NKAIN2: variants seen among roughly 807,000 people sequenced by gnomAD.
NKAIN2 encodes sodium/potassium-transporting ATPase subunit beta-1-interacting protein 2.
NKAIN2 carries 14 observed loss-of-function variants against 32.6 expected under a neutral mutation model. That is an observed-to-expected ratio of 0.43 (90% CI 0.28 to 0.67). The LOEUF is 0.67. Among genes scored for constraint, NKAIN2 ranks in the 30% least tolerant of loss-of-function variants. The pLI is 0.17. For missense variants in NKAIN2, 198 were observed against 258.3 expected, an observed-to-expected ratio of 0.77 and a Z score of 1.60; for synonymous variants, 80 against 87.2, an observed-to-expected ratio of 0.92 and a Z score of 0.46.
intron 4 of NKAIN2, among the ~76,000 whole-genome samples, chr6:124,768,640 A>G (rs908800865): frequency 6.6e-6 from 1 of 152,158 alleles, no homozygotes; most frequent in African/African-American, 2.4e-5. Flanking sequence ...CACCAAAAAC[A>G]TACTCTCAAA....
At chr6:124,398,817 T>C (rs1010363736) in intron 3 of NKAIN2, among the ~76,000 whole-genome samples, 3 of 152,200 alleles carry the variant, frequency 2.0e-5, no homozygotes, top group Admixed American at 2.0e-4. Context: ...AATGAGCTTT[T>C]TAAGTTTGAG....
At chr6:124,393,456 C>A (rs2114424041) in intron 3 of NKAIN2, among the ~76,000 whole-genome samples, 1 of 152,022 alleles carries the variant, frequency 6.6e-6, no homozygotes, top group Middle Eastern at 3.4e-3. Flanking sequence ...CTAATGCTGG[C>A]AATACTGTTT....
intron 1 of NKAIN2, among the ~76,000 whole-genome samples, chr6:123,911,809 A>ATATATATATATG (rs1554222371): frequency 2.0e-5 from 2 of 102,008 alleles, no homozygotes; most frequent in African/African-American, 9.4e-5. Context: ...ATGTATATAT[A>ATATATATATATG]TATACACACA....
chr6:124,324,013 G>A (rs1227198822), intron 2 of NKAIN2, among the ~76,000 whole-genome samples: 1 of 151,790 alleles, frequency 6.6e-6, no homozygotes, highest in Non-Finnish European at 1.5e-5. Flanking sequence ...GGATGGTCTC[G>A]ATCTCCTGAC....
intron 1 of NKAIN2, among the ~76,000 whole-genome samples, chr6:123,900,532 G>GGT (rs1774516637): frequency 6.1e-5 from 2 of 32,764 alleles, no homozygotes; most frequent in Non-Finnish European, 2.2e-4. Context: ...CTCCAGATTA[G>GGT]TTTTTTTTTT....
At chr6:123,966,729 C>G (rs192952401) in intron 1 of NKAIN2, among the ~76,000 whole-genome samples, 2 of 152,224 alleles carry the variant, frequency 1.3e-5, no homozygotes, top group East Asian at 3.9e-4. Flanking sequence ...ACTCTGAGCT[C>G]AAGATTATCA....
intron 2 of NKAIN2, among the ~76,000 whole-genome samples, chr6:124,291,133 T>G (rs1795795076): frequency 6.6e-6 from 1 of 152,148 alleles, no homozygotes; most frequent in Non-Finnish European, 1.5e-5. Flanking sequence ...TACACTTGAG[T>G]ACTAGTTTGG....
At chr6:124,584,670 A>AAAGACATAC (rs1554229665) in intron 3 of NKAIN2, among the ~76,000 whole-genome samples, 4 of 151,278 alleles carry the variant, frequency 2.6e-5, no homozygotes, top group Non-Finnish European at 4.4e-5. Flanking sequence ...AAAAAAAAAA[A>AAAGACATAC]AAAGACATAC....
rs1387106710 is a variant in NKAIN2, at chr6:123,976,354, TATATATATATATATTCCC to T, written c.54+172115_54+172132del. ...CCATATATATATATGTTCCCATATA[TATATATATATATATTCCC>T]ATATATATATATATATATATATATA... On this transcript the variant is annotated intron_variant, in intron 1 of 6. Coordinates refer to ENST00000368417, the MANE Select transcript of NKAIN2 (RefSeq NM_001040214.3). Among the ~76,000 whole-genome samples, 26 of 28,782 alleles carry T rather than the reference TATATATATATATATTCCC, an allele frequency of 9.0e-4. 2 individuals are homozygous for T. Among genetic ancestry groups the T allele is most frequent in the African/African-American group, 4.2e-3 (23 of 5,474 alleles). 18.9% of individuals were successfully genotyped at this position (28,782 alleles called of 152,430 possible). A position where few individuals can be genotyped will look rare whatever the true frequency, so the allele number is the denominator to read the frequency against.
intron 1 of NKAIN2, among the ~76,000 whole-genome samples, chr6:123,814,353 C>A (rs979370667): frequency 1.3e-5 from 2 of 152,086 alleles, no homozygotes; most frequent in Non-Finnish European, 2.9e-5. Context: ...CTTAGAGATA[C>A]GGGGCAATGC....
At chr6:123,962,096 A>G (rs994912760) in intron 1 of NKAIN2, among the ~76,000 whole-genome samples, 6 of 152,212 alleles carry the variant, frequency 3.9e-5, no homozygotes, top group Non-Finnish European at 7.4e-5. Flanking sequence ...CCATCTTAAA[A>G]TTAATCTTAA....
chr6:123,944,549 A>T (rs1019834357), intron 1 of NKAIN2, among the ~76,000 whole-genome samples: 1 of 152,092 alleles, frequency 6.6e-6, no homozygotes, highest in East Asian at 1.9e-4. Context: ...CTTGGGCTAA[A>T]TATCATCCAG....
chr6:123,942,551 T>A (rs1405831361), intron 1 of NKAIN2, among the ~76,000 whole-genome samples: 1 of 152,076 alleles, frequency 6.6e-6, no homozygotes, highest in Non-Finnish European at 1.5e-5. Context: ...CTCAGTATTA[T>A]TTTCTGCCAT....
At chr6:124,694,635 T>C (rs933137261) in intron 4 of NKAIN2, among the ~76,000 whole-genome samples, 1 of 152,220 alleles carries the variant, frequency 6.6e-6, no homozygotes, top group African/African-American at 2.4e-5. Context: ...GAAAGGCTGT[T>C]GAATAAGCGC....
At chr6:124,429,938 A>C (rs1158988255) in intron 3 of NKAIN2, among the ~76,000 whole-genome samples, 3 of 152,212 alleles carry the variant, frequency 2.0e-5, no homozygotes, top group African/African-American at 7.2e-5. Flanking sequence ...TAACATGATC[A>C]AAATAAGATG....
chr6:124,318,343 G>T (rs1247837654), intron 2 of NKAIN2, among the ~76,000 whole-genome samples: 1 of 151,360 alleles, frequency 6.6e-6, no homozygotes, highest in Non-Finnish European at 1.5e-5. Context: ...AATCTTGTTT[G>T]GGGAGTTTTA....
chr6:124,041,607 G>A (rs1171879237), intron 1 of NKAIN2, among the ~76,000 whole-genome samples: 1 of 151,814 alleles, frequency 6.6e-6, no homozygotes, highest in Non-Finnish European at 1.5e-5. Flanking sequence ...GCTTGAGTTT[G>A]TTTATTTTAC....
chr6:124,697,020 T>C (rs1774530807), intron 4 of NKAIN2, among the ~76,000 whole-genome samples: 1 of 152,164 alleles, frequency 6.6e-6, no homozygotes, highest in South Asian at 2.1e-4. Context: ...ATGAGTTATT[T>C]GCGCATAGCT....
chr6:124,560,773 A>G (rs1490358169), intron 3 of NKAIN2, among the ~76,000 whole-genome samples: 1 of 152,244 alleles, frequency 6.6e-6, no homozygotes, highest in African/African-American at 2.4e-5. Flanking sequence ...ATTATATCTC[A>G]GAGGAAAAGT....
Sources: gnomAD v4.1 joint callset for allele counts (sites outside exome capture counted in the v4.1 genomes callset) on GRCh38, gnomAD v4.1.1 for gene constraint, MANE v1.5 for transcripts, NCBI Gene and HGNC (gene_info 2026-07-23, HGNC 2026-07-21) for gene names.